The following DOCK1 variants were observed in gnomAD, a reference collection of about 807,000 sequenced individuals.
The protein encoded by DOCK1 is dedicator of cytokinesis 1, also known as dedicator of cytokinesis protein 1.
A neutral mutation model predicts 262.7 loss-of-function variants in DOCK1; 138 were observed. The ratio of observed to expected loss-of-function variants is 0.53; its 90% CI spans 0.46 to 0.61. The LOEUF (loss-of-function observed/expected upper bound fraction) is 0.61. DOCK1 is among the 20% of genes least tolerant of loss of function. The pLI, the probability that DOCK1 is intolerant of heterozygous loss-of-function variation, is 0.00. For synonymous variants in DOCK1, 866 were observed against 867.4 expected (o/e 1.00, Z 0.03); for missense variants, 1,908 against 2,370.7 (o/e 0.80, Z 4.05).
intron 29 of DOCK1, among the ~76,000 whole-genome samples, chr10:127,287,327 C>T (rs1008799313): frequency 6.6e-6 from 1 of 151,850 alleles, no homozygotes. Flanking sequence ...ATAGCTAGGA[C>T]TATAGGTGTG....
rs138404447 is a variant in DOCK1, at chr10:127,373,261, G to A, written c.3433-520G>A. 1.2e-4 allele frequency among the ~76,000 whole-genome samples: 18 copies of A among 152,212 alleles called. No homozygotes were observed. In the East Asian group the frequency reaches 3.3e-3, roughly 28 times the overall value. On this transcript the variant is annotated intron_variant, in intron 33 of 51. Transcript: ENST00000623213. Reference sequence around the variant, plus strand: ...CTGCTGGTCTGTCTTTAGGGACATTGCTCCTCTTGCTCTTTAGAACATTTT... The same window carrying A: ...CTGCTGGTCTGTCTTTAGGGACATTACTCCTCTTGCTCTTTAGAACATTTT...
At chr10:127,186,007 T>G (rs2056198020) in intron 27 of DOCK1, among the ~76,000 whole-genome samples, 1 of 152,202 alleles carries the variant, frequency 6.6e-6, no homozygotes, top group African/African-American at 2.4e-5. Context: ...CAAAATAAAT[T>G]GAGTTTAATT....
chr10:127,073,581 C>T (rs1472799774), intron 23 of DOCK1, among the ~76,000 whole-genome samples: 1 of 152,228 alleles, frequency 6.6e-6, no homozygotes, highest in African/African-American at 2.4e-5. Flanking sequence ...GGAAAAGTGG[C>T]TGCCAGTAGC....
At chr10:127,195,231 A>G (rs970978109) in intron 27 of DOCK1, among the ~76,000 whole-genome samples, 8 of 152,186 alleles carry the variant, frequency 5.3e-5, no homozygotes, top group African/African-American at 1.7e-4. Context: ...TTTGGGCTCC[A>G]GGAGCTGCCC....
chr10:127,047,845 T>G (rs2044450293), intron 21 of DOCK1, among the ~76,000 whole-genome samples: 3 of 152,240 alleles, frequency 2.0e-5, no homozygotes. Flanking sequence ...AATATTTGAT[T>G]TTGCTCCTCT....
rs72843714 is a variant in DOCK1 at position 127,428,743 on chromosome 10, G to C, written c.4914+2732G>C. Reference sequence around the variant, plus strand: ...GGATTGTGGTGTCCTGTGGATTGGGGTGCTGTGTGGATTGGGGTACCGTGT... The same window carrying C: ...GGATTGTGGTGTCCTGTGGATTGGGCTGCTGTGTGGATTGGGGTACCGTGT... On this transcript the variant is annotated intron_variant, in intron 47 of 51. Transcript: ENST00000623213. Among the ~76,000 whole-genome samples the C allele has an allele frequency of 5.4e-5, 8 of 146,904 alleles. No individual in the cohort carries two copies. The South Asian group carries it at 1.7e-3, about 32-fold the overall frequency.
chr10:127,448,801 G>GT (rs2070763050), intron 51 of DOCK1, among the ~76,000 whole-genome samples: 8 of 33,726 alleles, frequency 2.4e-4, no homozygotes, highest in Non-Finnish European at 2.2e-4. Flanking sequence ...GGTGAGACAT[G>GT]GTTTTTTTTT....
chr10:127,257,231 A>G, intron 28 of DOCK1, 104 bp from the exon 29 acceptor site: 1 of 923,724 alleles, frequency 1.1e-6, no homozygotes, highest in African/African-American at 1.6e-5. Flanking sequence ...GGATGTGTTC[A>G]TTCAGCCTTT....
At chr10:126,960,596 C>T (rs1013953526) in intron 1 of DOCK1, among the ~76,000 whole-genome samples, 7 of 150,750 alleles carry the variant, frequency 4.6e-5, no homozygotes, top group Admixed American at 1.3e-4. Context: ...AGTTGGAGGG[C>T]GCATGGGGAC....
At chr10:127,426,965 C>T (rs544036359) in intron 47 of DOCK1, among the ~76,000 whole-genome samples, 4 of 152,310 alleles carry the variant, frequency 2.6e-5, no homozygotes, top group South Asian at 4.1e-4. Context: ...AGCCAGGCAC[C>T]GTGAGTCACA....
At chr10:127,195,230 C>T (rs2057025136) in intron 27 of DOCK1, among the ~76,000 whole-genome samples, 2 of 152,208 alleles carry the variant, frequency 1.3e-5, no homozygotes, top group Non-Finnish European at 2.9e-5. Flanking sequence ...CTTTGGGCTC[C>T]AGGAGCTGCC....
intron 23 of DOCK1, among the ~76,000 whole-genome samples, chr10:127,092,173 T>C (rs1393148916): frequency 6.6e-6 from 1 of 152,328 alleles, no homozygotes; most frequent in East Asian, 1.9e-4. Context: ...GCTGGTCAGG[T>C]CTGGCTGGAC....
intron 45 of DOCK1, among the ~76,000 whole-genome samples, chr10:127,419,173 G>C (rs2068345734): frequency 6.6e-6 from 1 of 152,172 alleles, no homozygotes; most frequent in South Asian, 2.1e-4. Flanking sequence ...TTACCATCTG[G>C]CCTTTCACAA....
At chr10:127,151,995 G>C (rs2052537261) in intron 27 of DOCK1, among the ~76,000 whole-genome samples, 1 of 122,958 alleles carries the variant, frequency 8.1e-6, no homozygotes, top group Non-Finnish European at 1.7e-5. Context: ...TTTCAGTTAG[G>C]TTAAACAGTG....
intron 27 of DOCK1, among the ~76,000 whole-genome samples, chr10:127,156,024 T>A (rs1443569032): frequency 6.6e-6 from 1 of 152,198 alleles, no homozygotes. Flanking sequence ...ATCCAAATTT[T>A]AGGTTCTTAC....
chr10:127,083,331 C>G (rs1014768979), intron 23 of DOCK1, among the ~76,000 whole-genome samples: 4 of 152,206 alleles, frequency 2.6e-5, no homozygotes, highest in African/African-American at 9.6e-5. Flanking sequence ...CAGGACCCCT[C>G]CAAGCTGGAC....
chr10:126,924,567 G>A (rs1035583742), intron 1 of DOCK1, among the ~76,000 whole-genome samples: 7 of 152,212 alleles, frequency 4.6e-5, no homozygotes, highest in Non-Finnish European at 7.3e-5. Flanking sequence ...GGCAGGGTGG[G>A]GAGAGTTGAC....
chr10:127,000,327 T>C lies in DOCK1; in HGVS notation c.985+20T>C. ...TGGCTGGTAATCTATTTCTCTGTGT[T>C]TCCTTGAGAGTTTCAGATCTTCACA... On this transcript the variant is annotated intron_variant, in intron 10 of 51. Coordinates refer to ENST00000623213, the MANE Select transcript of DOCK1 (RefSeq NM_001290223.2). 6.2e-7 allele frequency: 1 copy of C among 1,611,674 alleles called. No individual in the cohort carries two copies. The highest frequency in any genetic ancestry group is 2.2e-5 in the East Asian group (1 of 44,834).
intron 1 of DOCK1, among the ~76,000 whole-genome samples, chr10:126,929,238 T>G (rs2034002317): frequency 6.6e-6 from 1 of 152,238 alleles, no homozygotes; most frequent in Non-Finnish European, 1.5e-5. Context: ...TTCCCCAGAT[T>G]GCTGGTTGTA....
Sources: gnomAD v4.1 joint callset for allele counts (sites outside exome capture counted in the v4.1 genomes callset) on GRCh38, gnomAD v4.1.1 for gene constraint, MANE v1.5 for transcripts, NCBI Gene and HGNC (gene_info 2026-07-23, HGNC 2026-07-21) for gene names.